SNX1: variants seen among roughly 807,000 people sequenced by gnomAD.
The protein encoded by SNX1 is sorting nexin 1, also known as sorting nexin-1.
A neutral mutation model predicts 71.8 loss-of-function variants in SNX1; 36 were observed. The ratio of observed to expected loss-of-function variants is 0.50; its 90% CI spans 0.38 to 0.66. The LOEUF is 0.66. SNX1 is among the 30% of genes least tolerant of loss of function. The pLI is 0.00. For missense variants in SNX1, 612 were observed against 646.7 expected, an observed-to-expected ratio of 0.95 and a Z score of 0.58; for synonymous variants, 254 against 240.7, an observed-to-expected ratio of 1.06 and a Z score of -0.51.
In SNX1 at chr15:64,134,966, C is replaced by A; in HGVS notation, c.1365+159C>A. ...GGAAGCCTCTGAGAATGACTCCAGG[C>A]CTTCCTGAGGCCTAGTCCCCCTGTT... On this transcript the variant is annotated intron_variant, in intron 12 of 14. Coordinates refer to ENST00000559844, the MANE Select transcript of SNX1 (RefSeq NM_003099.5). This position sits in a 1 kb window ranked among gnomAD's most constrained non-coding sequence, Gnocchi z 4.1. 1 of 860,204 alleles carries A rather than the reference C, an allele frequency of 1.2e-6. No individual in the cohort carries two copies. The highest frequency in any genetic ancestry group is 1.7e-6 in the Non-Finnish European group (1 of 572,156). The allele number at this position is 860,204 out of a possible 1,614,324, so 53.3% of individuals were successfully genotyped here.
chr15:64,096,125 G>C lies in SNX1; in HGVS notation c.112G>C (p.Asp38His). ...AAGGSEPEAG[D>H]SDTEGEDIFT... ...CGGGGGATCAGAACCCGAGGCTGGGGACAGCGACACCGAGGGGGAGGACAT... is the reference window on the plus strand; with the variant it reads ...CGGGGGATCAGAACCCGAGGCTGGGCACAGCGACACCGAGGGGGAGGACAT... The change falls in exon 1 of 15, where the codon GAC becomes CAC. Residue 38 changes from aspartate to histidine, a missense_variant. By Grantham distance (81) the Asp-to-His change is moderately conservative. Around this residue, in one of 2 missense-constraint regions of SNX1, gnomAD observed 316 missense variants for 284.9 expected, o/e 1.11. Transcript: ENST00000559844. The C allele has an allele frequency of 1.3e-6, 2 of 1,558,106 alleles. No homozygotes were observed. The highest frequency in any genetic ancestry group is 1.7e-6 in the Non-Finnish European group (2 of 1,151,742).
At position 64,130,215 on chromosome 15, in the gene SNX1, T is replaced by G. The variant is rs1018458632; in HGVS notation, c.922-13T>G. The G allele has an allele frequency of 1.9e-6, 3 of 1,612,634 alleles. No homozygotes were observed. The African/African-American group carries it at 4.0e-5, about 22-fold the overall frequency. On this transcript the variant is annotated splice_polypyrimidine_tract_variant and intron_variant, in intron 9 of 14. Transcript: ENST00000559844. ...AAGTAATCTCATTAAAGTTCTGGGC[T>G]TTTGTGTTTCAGTGGTTTGAGGAGA...
At chr15:64,127,374 C>A in intron 7 of SNX1, 122 bp downstream of exon 7, 1 of 735,598 alleles carries the variant, frequency 1.4e-6, no homozygotes, top group Non-Finnish European at 2.3e-6. Context: ...TGAAGTTGCA[C>A]ACCTCCATAT....
intron 2 of SNX1, among the ~76,000 whole-genome samples, chr15:64,116,324 A>C (rs1250301936): frequency 6.6e-6 from 1 of 152,238 alleles, no homozygotes; most frequent in East Asian, 1.9e-4. Context: ...AGGGTGGCAG[A>C]TGCAGAGGAA....
chr15:64,105,364 G>A (rs889932204), intron 1 of SNX1, among the ~76,000 whole-genome samples: 46 of 152,178 alleles, frequency 3.0e-4, no homozygotes, highest in African/African-American at 9.6e-4. Flanking sequence ...CATTAGTTTG[G>A]ACTGGAGAAA....
At chr15:64,119,379 C>CTTT (rs2081167627) in intron 4 of SNX1, among the ~76,000 whole-genome samples, 1 of 152,156 alleles carries the variant, frequency 6.6e-6, no homozygotes, top group South Asian at 2.1e-4. Context: ...GCCTTAGCCT[C>CTTT]TTAAAGCACC....
Position 64,126,173 on chromosome 15 carries a change from C to T in SNX1, c.605C>T (p.Ser202Phe). 6.2e-7 allele frequency: 1 copy of T among 1,614,160 alleles called. No homozygotes were observed. Among genetic ancestry groups the T allele is most frequent in the South Asian group, 1.1e-5 (1 of 91,084 alleles). ...TATGAGAAGCTTTCCGAGAAGCACT[C>T]TCAGAATGGCTTCATTGTCCCTCCG... Reference protein sequence around the residue: ...GLYEKLSEKHSQNGFIVPPPP... With the variant: ...GLYEKLSEKHFQNGFIVPPPP... The change falls in exon 6 of 15, where the codon TCT (serine) becomes TTT (phenylalanine). Residue 202 changes from serine to phenylalanine, a missense_variant. Physicochemically the swap from Ser to Phe is radical, Grantham distance 155. Coordinates refer to ENST00000559844, the MANE Select transcript of SNX1 (RefSeq NM_003099.5).
At chr15:64,131,571 T>C (rs976564099) in intron 10 of SNX1, 116 bp from the exon 11 acceptor site, 5 of 910,740 alleles carry the variant, frequency 5.5e-6, no homozygotes, top group Non-Finnish European at 8.4e-6. Context: ...TGCAGAGCCC[T>C]CAGTTCCCAG....
At chr15:64,131,266 T>C (rs2140157823) in intron 10 of SNX1, among the ~76,000 whole-genome samples, 1 of 152,340 alleles carries the variant, frequency 6.6e-6, no homozygotes, top group South Asian at 2.1e-4. Flanking sequence ...ACACAAAGTT[T>C]GCCCTACTCT....
Position 64,131,718 on chromosome 15 carries a change from G to C in SNX1, c.1047G>C (p.Lys349Asn), listed in dbSNP as rs1252962466. 6.2e-7 allele frequency: 1 copy of C among 1,614,192 alleles called. No individual in the cohort carries two copies. The change falls in exon 11 of 15, where the codon AAG (lysine) becomes AAC (asparagine). Residue 349 changes from lysine to asparagine, a missense_variant. Transcript: ENST00000559844. Reference sequence around the variant, plus strand: ...CGCTGAACACAGCCCAGTTTGCAAAGAGTCTAGCCATGCTTGGGAGCTCTG... The same window carrying C: ...CGCTGAACACAGCCCAGTTTGCAAACAGTCTAGCCATGCTTGGGAGCTCTG... ...ELALNTAQFA[K>N]SLAMLGSSED...
chr15:64,099,688 G>A (rs538701044), intron 1 of SNX1, among the ~76,000 whole-genome samples: 2 of 152,284 alleles, frequency 1.3e-5, no homozygotes, highest in Admixed American at 1.3e-4. Flanking sequence ...TATTTGATTA[G>A]CTAAAAGCAT....
At position 64,102,761 on chromosome 15, in the gene SNX1, C is replaced by CTTTTTT. The variant is rs60616312; in HGVS notation, c.159+6609_159+6614dup. On this transcript the variant is annotated intron_variant, in intron 1 of 14. Coordinates refer to ENST00000559844, the MANE Select transcript of SNX1 (RefSeq NM_003099.5). The stretch of plus-strand genomic sequence containing the variant: ...CCATTTTGTATATATACCACGCCTT[C>CTTTTTT]TTTTTTTTTTTTTTTTTTTTTTTTT... Among the ~76,000 whole-genome samples, 99 of 76,426 alleles carry CTTTTTT rather than the reference C, an allele frequency of 1.3e-3. 1 individual carries two copies. Among genetic ancestry groups the CTTTTTT allele is most frequent in the Non-Finnish European group, 1.4e-3 (63 of 44,172 alleles). The allele number at this position is 76,426 out of a possible 152,430, so 50.1% of individuals were successfully genotyped here. A position where few individuals can be genotyped will look rare whatever the true frequency, so the allele number is the denominator to read the frequency against.
intron 6 of SNX1, among the ~76,000 whole-genome samples, chr15:64,126,546 TTTTG>T (rs750854923): frequency 1.2e-4 from 19 of 152,084 alleles, no homozygotes; most frequent in African/African-American, 3.1e-4. Context: ...AACCTCTTCA[TTTTG>T]TTTGTTTGTT....
At chr15:64,132,522 C>T (rs1303812138) in intron 11 of SNX1, 2 of 155,498 alleles carry the variant, frequency 1.3e-5, no homozygotes, top group African/African-American at 4.8e-5. Context: ...GTGTGGTTTC[C>T]CCGTGAGCAC....
At chr15:64,118,372 A>G (rs2081155043) in intron 3 of SNX1, 128 bp downstream of exon 3, 1 of 1,029,348 alleles carries the variant, frequency 9.7e-7, no homozygotes, top group East Asian at 2.5e-5. Context: ...TTTATGGTTA[A>G]TGGACAGCCA....
At chr15:64,125,535 CT>C (rs1187915624) in intron 5 of SNX1, among the ~76,000 whole-genome samples, 1 of 149,218 alleles carries the variant, frequency 6.7e-6, no homozygotes, top group Non-Finnish European at 1.5e-5. Flanking sequence ...TTCCTAGCTA[CT>C]TGGGAGGCTG....
At chr15:64,106,371 A>C (rs1354237301) in intron 1 of SNX1, among the ~76,000 whole-genome samples, 2 of 152,206 alleles carry the variant, frequency 1.3e-5, no homozygotes, top group African/African-American at 2.4e-5. Context: ...GGTACACCCT[A>C]TTCTGAAATC....
At chr15:64,131,600 T>G in intron 10 of SNX1, 87 bp from the exon 11 acceptor site, 5 of 1,305,604 alleles carry the variant, frequency 3.8e-6, no homozygotes, top group Non-Finnish European at 5.4e-6. Context: ...TGGGCGGCAT[T>G]GCTAAGACAT....
At position 64,096,079 on chromosome 15, in the gene SNX1, G is replaced by T; in HGVS notation, c.66G>T (p.Glu22Asp). 6.3e-7 allele frequency: 1 copy of T among 1,576,738 alleles called. No individual in the cohort carries two copies. The change falls in exon 1 of 15, where the codon GAG becomes GAT. Residue 22 changes from glutamate to aspartate, a missense_variant. Glu to Asp is a conservative substitution (Grantham distance 45). Around this residue, in one of 2 missense-constraint regions of SNX1, gnomAD observed 316 missense variants for 284.9 expected, o/e 1.11. Transcript: ENST00000559844. Reference protein sequence around the residue: ...ERLPPPFPGLEPESEGAAGGS... With the variant: ...ERLPPPFPGLDPESEGAAGGS... ...TGCCTCCGCCCTTCCCCGGCCTGGA[G>T]CCGGAGTCCGAGGGGGCGGCCGGGG...
Sources: allele counts gnomAD v4.1 joint callset (sites outside exome capture counted in the v4.1 genomes callset), GRCh38; gene constraint gnomAD v4.1.1; regional missense constraint gnomAD v4.1.1; non-coding constraint Gnocchi (gnomAD v3.1); transcripts MANE v1.5; gene names NCBI Gene and HGNC (gene_info 2026-07-23, HGNC 2026-07-21).